Variants in USP12 observed in about 807,000 individuals in gnomAD.
USP12 encodes the protein ubiquitin carboxyl-terminal hydrolase 12.
A neutral mutation model predicts 45.5 loss-of-function variants in USP12; 19 were observed. That is an observed-to-expected ratio of 0.42 (90% CI 0.29 to 0.61). The LOEUF is 0.61. Ranked by LOEUF, USP12 falls within the 20% of genes least tolerant of loss-of-function variation. USP12 has a pLI of 0.22. For synonymous variants in USP12, 149 were observed against 148.8 expected, an observed-to-expected ratio of 1.00 and a Z score of -0.01; for missense variants, 242 against 447.7, an observed-to-expected ratio of 0.54 and a Z score of 4.15.
rs143942050 is a variant in USP12, at chr13:27,086,740, A to G, written c.734+3143T>C. Among the ~76,000 whole-genome samples, 4 of 152,272 alleles carry G rather than the reference A, an allele frequency of 2.6e-5. No homozygotes were observed. The East Asian group carries it at 7.7e-4, about 29-fold the overall frequency. ...AAAGTCTGAAAGTTGTATTTCTCTT[A>G]GCTACATTTAGTCCCTGACTCTTAC... On this transcript the variant is annotated intron_variant, in intron 6 of 8. Coordinates refer to ENST00000282344, the MANE Select transcript of USP12 (RefSeq NM_182488.4).
chr13:27,071,029 T>A (rs376891726), intron 8 of USP12, 42 bp downstream of exon 8: 18 of 1,505,818 alleles, frequency 1.2e-5, no homozygotes, highest in Non-Finnish European at 1.5e-5. Context: ...AAGCAACATA[T>A]GCATACAACT....
chr13:27,163,785 AG>A (rs1172345945), intron 1 of USP12, among the ~76,000 whole-genome samples: 5 of 137,638 alleles, frequency 3.6e-5, no homozygotes, highest in Admixed American at 7.8e-5. Flanking sequence ...AAAAAAAAAA[AG>A]AAAAAAAAAA....
chr13:27,066,855 T>C lies in USP12; in HGVS notation c.*2428A>G, dbSNP rs538880155. 5 of 152,300 alleles carry C rather than the reference T, an allele frequency of 3.3e-5. No individual in the cohort carries two copies. The South Asian group carries it at 1.0e-3, about 32-fold the overall frequency. The allele number at this position is 152,300 out of a possible 1,614,324, so 9.4% of individuals were successfully genotyped here. Reference sequence around the variant, plus strand: ...CACGATGCTTTCTTCATGGGTCACTTTTCTTACTTACTATACCTGTATTTT... The same window carrying C: ...CACGATGCTTTCTTCATGGGTCACTCTTCTTACTTACTATACCTGTATTTT... On this transcript the variant is annotated 3_prime_UTR_variant, in exon 9 of 9. Transcript: ENST00000282344.
intron 1 of USP12, among the ~76,000 whole-genome samples, chr13:27,131,184 A>G (rs1340026766): frequency 2.0e-5 from 3 of 152,248 alleles, no homozygotes; most frequent in Non-Finnish European, 4.4e-5. Context: ...TGGGTACATT[A>G]CAAAGAAGAA....
intron 6 of USP12, among the ~76,000 whole-genome samples, chr13:27,082,969 G>A (rs1241538752): frequency 6.6e-6 from 1 of 152,176 alleles, no homozygotes; most frequent in African/African-American, 2.4e-5. Context: ...CCGAGTTGCT[G>A]GGATTATAGG....
chr13:27,122,969 C>G (rs1431052474), intron 1 of USP12, among the ~76,000 whole-genome samples: 1 of 151,872 alleles, frequency 6.6e-6, no homozygotes, highest in African/African-American at 2.4e-5. Flanking sequence ...TGGCAGGCGC[C>G]TAGTCCCAGC....
At chr13:27,161,541 T>C (rs1037144031) in intron 1 of USP12, among the ~76,000 whole-genome samples, 1 of 150,488 alleles carries the variant, frequency 6.6e-6, no homozygotes, top group African/African-American at 2.5e-5. Flanking sequence ...TTTTATACCT[T>C]TAAAAAAAAA....
intron 3 of USP12, among the ~76,000 whole-genome samples, chr13:27,105,067 C>T (rs980247218): frequency 4.6e-5 from 7 of 152,046 alleles, no homozygotes; most frequent in African/African-American, 1.2e-4. Context: ...GGACCTTGGA[C>T]GAATTAACCT....
In USP12 at chr13:27,171,042, T is replaced by G. The variant is rs187773743; in HGVS notation, c.48+550A>C. On this transcript the variant is annotated intron_variant, in intron 1 of 8. Coordinates refer to ENST00000282344, the MANE Select transcript of USP12 (RefSeq NM_182488.4). Reference sequence around the variant, plus strand: ...ACTTCCGTCCTCTCCCAGGCGGGAATGAGCGCTGCCCGCCCCGGCCGAGAC... The same window carrying G: ...ACTTCCGTCCTCTCCCAGGCGGGAAGGAGCGCTGCCCGCCCCGGCCGAGAC... 8.3e-3 allele frequency among the ~76,000 whole-genome samples: 1,266 copies of G among 152,252 alleles called. 13 individuals are homozygous for G. The highest frequency in any genetic ancestry group is 0.024 in the Middle Eastern group (7 of 294).
At chr13:27,123,714 C>T (rs1593196184) in intron 1 of USP12, among the ~76,000 whole-genome samples, 1 of 152,210 alleles carries the variant, frequency 6.6e-6, no homozygotes, top group East Asian at 1.9e-4. Flanking sequence ...TAAGACATGC[C>T]TTTGCTGATC....
At chr13:27,072,090 A>G (rs1873268249) in intron 7 of USP12, among the ~76,000 whole-genome samples, 2 of 150,082 alleles carry the variant, frequency 1.3e-5, no homozygotes, top group East Asian at 3.9e-4. Context: ...ACAGAATGAC[A>G]CCAACAAAAA....
intron 2 of USP12, among the ~76,000 whole-genome samples, chr13:27,112,323 T>A (rs907764797): frequency 9.9e-5 from 15 of 151,464 alleles, no homozygotes; most frequent in African/African-American, 3.4e-4. Flanking sequence ...TGTCTTACTG[T>A]CACCCAGGCT....
intron 1 of USP12, among the ~76,000 whole-genome samples, chr13:27,160,643 C>A (rs956150271): frequency 1.3e-5 from 2 of 152,066 alleles, no homozygotes; most frequent in Admixed American, 1.3e-4. Context: ...ATTTTGTCCA[C>A]CTTTACATAA....
intron 1 of USP12, among the ~76,000 whole-genome samples, chr13:27,144,162 G>T (rs1170580546): frequency 6.6e-6 from 1 of 151,910 alleles, no homozygotes; most frequent in Non-Finnish European, 1.5e-5. Context: ...CTGCACCACT[G>T]CACTCCAGCC....
chr13:27,157,734 A>G (rs1025571471), intron 1 of USP12, among the ~76,000 whole-genome samples: 6 of 152,048 alleles, frequency 3.9e-5, no homozygotes, highest in African/African-American at 1.4e-4. Context: ...TCTCCAAGTT[A>G]CCTTTCAAAT....
chr13:27,093,423 C>T (rs1028117991), intron 4 of USP12, among the ~76,000 whole-genome samples: 1 of 151,920 alleles, frequency 6.6e-6, no homozygotes, highest in Admixed American at 6.6e-5. Flanking sequence ...AATAAGCAGA[C>T]AAAAAGATGA....
At chr13:27,080,881 G>C (rs1273579198) in intron 6 of USP12, among the ~76,000 whole-genome samples, 1 of 152,114 alleles carries the variant, frequency 6.6e-6, no homozygotes, top group Admixed American at 6.6e-5. Context: ...ATAGTTTATT[G>C]CTTAAAAAAT....
At chr13:27,143,228 AC>A (rs1403971343) in intron 1 of USP12, among the ~76,000 whole-genome samples, 2 of 152,230 alleles carry the variant, frequency 1.3e-5, no homozygotes, top group African/African-American at 4.8e-5. Flanking sequence ...AAACAACTAA[AC>A]ACTGAATAAA....
chr13:27,126,602 C>T (rs1876249270), intron 1 of USP12, among the ~76,000 whole-genome samples: 1 of 152,148 alleles, frequency 6.6e-6, no homozygotes, highest in South Asian at 2.1e-4. Context: ...AGGCTGCATT[C>T]GTGTCCCCAT....
Sources: allele counts gnomAD v4.1 joint callset (sites outside exome capture counted in the v4.1 genomes callset), GRCh38; gene constraint gnomAD v4.1.1; transcripts MANE v1.5; gene names NCBI Gene and HGNC (gene_info 2026-07-23, HGNC 2026-07-21).